FABP6: variants seen among roughly 807,000 people sequenced by gnomAD.
FABP6 encodes fatty acid binding protein 6.
Under a neutral mutation model 14.9 loss-of-function variants are expected in FABP6, and 13 were observed. The ratio of observed to expected loss-of-function variants is 0.87; its 90% CI spans 0.57 to 1.39. The LOEUF (loss-of-function observed/expected upper bound fraction) is 1.39, where lower values mean the gene tolerates loss of function less well. Among genes scored for constraint, FABP6 ranks in the 40% most tolerant of loss-of-function variants. FABP6 has a pLI of 0.00. For missense variants in FABP6, 161 were observed against 167.2 expected (o/e 0.96, Z 0.20); for synonymous variants, 75 against 63.6 (o/e 1.18, Z -0.85).
chr5:160,205,965 T>G (rs909345236), intron 2 of FABP6, among the ~76,000 whole-genome samples: 1 of 151,828 alleles, frequency 6.6e-6, no homozygotes, highest in Non-Finnish European at 1.5e-5. Flanking sequence ...TTCTTTTTTC[T>G]TTTCTTTTCT....
upstream of FABP6, among the ~76,000 whole-genome samples, chr5:160,226,078 G>A (rs7712823): frequency 5.0e-3 from 768 of 152,140 alleles, 6 homozygotes; most frequent in African/African-American, 0.017. Context: ...GGAGGCTGAG[G>A]CAGGAGAATG....
At position 160,238,607 on chromosome 5, in the gene FABP6, T is replaced by C; in HGVS notation, c.335T>C (p.Val112Ala). The C allele has an allele frequency of 6.2e-7, 1 of 1,613,790 alleles. No individual in the cohort carries two copies. The highest frequency in any genetic ancestry group is 2.2e-5 in the East Asian group (1 of 44,852). ...CTCTGTCCCGGCTGCTTCTTTCAGG[T>C]CTCCACCATCGGAGGCGTGACCTAT... The part of the protein sequence containing the change: ...SEIVGDKLVE[V>A]STIGGVTYER... The change falls in exon 4 of 4, where the codon GTC (valine) becomes GCC (alanine). Residue 112 changes from valine to alanine, a missense_variant and splice_region_variant. Val to Ala is a moderately conservative substitution (Grantham distance 64). Transcript: ENST00000402432.
intron 3 of FABP6, among the ~76,000 whole-genome samples, chr5:160,215,817 T>TG (rs1183079317): frequency 6.6e-6 from 1 of 151,942 alleles, no homozygotes; most frequent in African/African-American, 2.4e-5. Context: ...TTGTGAGGAA[T>TG]GGGGTGGGAT....
intron 2 of FABP6, among the ~76,000 whole-genome samples, chr5:160,199,474 C>G (rs575748642): frequency 1.3e-5 from 2 of 152,158 alleles, no homozygotes; most frequent in Admixed American, 6.5e-5. Flanking sequence ...GGCTCACCCC[C>G]TCCTGCGCCA....
intron 2 of FABP6, among the ~76,000 whole-genome samples, chr5:160,206,418 ACT>A (rs1759766927): frequency 1.3e-5 from 2 of 152,104 alleles, no homozygotes; most frequent in African/African-American, 2.4e-5. Flanking sequence ...ACAGAGCAAG[ACT>A]CTGTCTCAAA....
At chr5:160,196,156 T>C (rs1351513630) in intron 1 of FABP6, among the ~76,000 whole-genome samples, 1 of 152,208 alleles carries the variant, frequency 6.6e-6, no homozygotes, top group African/African-American at 2.4e-5. Context: ...AGCACCAAGA[T>C]GCCAGGTGGC....
upstream of FABP6, among the ~76,000 whole-genome samples, chr5:160,226,802 CATT>C (rs1034392800): frequency 3.3e-5 from 5 of 152,114 alleles, no homozygotes; most frequent in East Asian, 1.9e-4. Flanking sequence ...GTTGTATCAT[CATT>C]ATTATTATCA....
At chr5:160,192,874 G>T (rs988471544) in intron 1 of FABP6, among the ~76,000 whole-genome samples, 2 of 152,258 alleles carry the variant, frequency 1.3e-5, no homozygotes, top group Non-Finnish European at 2.9e-5. Context: ...CACTTTGGGA[G>T]GCTGAGGTGG....
At chr5:160,202,840 C>A (rs1414076648) in intron 2 of FABP6, among the ~76,000 whole-genome samples, 2 of 151,636 alleles carry the variant, frequency 1.3e-5, no homozygotes, top group Non-Finnish European at 2.9e-5. Context: ...CTTAGCGATT[C>A]ATGAATTGGG....
chr5:160,225,678 G>A (rs1462473851), upstream of FABP6, among the ~76,000 whole-genome samples: 2 of 152,132 alleles, frequency 1.3e-5, no homozygotes, highest in Admixed American at 6.6e-5. Context: ...GGGATTACAG[G>A]TATGAGCCAC....
At chr5:160,190,641 A>T (rs1430852617) in intron 1 of FABP6, among the ~76,000 whole-genome samples, 1 of 152,204 alleles carries the variant, frequency 6.6e-6, no homozygotes, top group Non-Finnish European at 1.5e-5. Flanking sequence ...GAATAGCTTC[A>T]GAGTAACCAG....
intron 1 of FABP6, among the ~76,000 whole-genome samples, chr5:160,193,613 AC>A (rs1759447106): frequency 6.6e-6 from 1 of 152,086 alleles, no homozygotes; most frequent in South Asian, 2.1e-4. Flanking sequence ...TTAGTTAGAT[AC>A]AGAGTATCCA....
intron 2 of FABP6, among the ~76,000 whole-genome samples, chr5:160,202,865 C>G (rs937039235): frequency 6.6e-6 from 1 of 151,630 alleles, no homozygotes; most frequent in Non-Finnish European, 1.5e-5. Flanking sequence ...ATCCCATATA[C>G]AAAACAGAAA....
intron 2 of FABP6, among the ~76,000 whole-genome samples, chr5:160,209,236 G>T (rs541429175): frequency 1.8e-3 from 278 of 152,184 alleles, no homozygotes; most frequent in Non-Finnish European, 3.2e-3. Context: ...ATAAATAAAG[G>T]TCTGGTGTGG....
chr5:160,188,030 A>C (rs1300211421), intron 1 of FABP6, among the ~76,000 whole-genome samples: 1 of 150,014 alleles, frequency 6.7e-6, no homozygotes, highest in Non-Finnish European at 1.5e-5. Context: ...GAGATTACAG[A>C]CGTGAGCCAC....
At chr5:160,189,556 CTTCTTT>C (rs1027852150) in intron 1 of FABP6, among the ~76,000 whole-genome samples, 1 of 152,000 alleles carries the variant, frequency 6.6e-6, no homozygotes, top group Non-Finnish European at 1.5e-5. Context: ...AAATTGTATT[CTTCTTT>C]TTATTTTTTT....
chr5:160,197,153 C>G (rs772397253), intron 1 of FABP6: 5 of 152,298 alleles, frequency 3.3e-5, no homozygotes, highest in Non-Finnish European at 7.3e-5. Context: ...GGGCCCTGCC[C>G]GGCTAGACAG....
chr5:160,237,375 A>T lies in FABP6; in HGVS notation c.334-1231A>T, dbSNP rs146368672. Among the ~76,000 whole-genome samples, 391 of 152,210 alleles carry T rather than the reference A, an allele frequency of 2.6e-3. 2 individuals are homozygous for T. Among genetic ancestry groups the T allele is most frequent in the African/African-American group, 8.6e-3 (358 of 41,516 alleles). Reference sequence around the variant, plus strand: ...ACATGACACAGCCAGGAACACACACATGTATGCACATAGACCCAGGCACGT... The same window carrying T: ...ACATGACACAGCCAGGAACACACACTTGTATGCACATAGACCCAGGCACGT... On this transcript the variant is annotated intron_variant, in intron 3 of 3. Coordinates refer to ENST00000402432, the MANE Select transcript of FABP6 (RefSeq NM_001445.3).
At chr5:160,188,491 C>A (rs749222751) in intron 1 of FABP6, among the ~76,000 whole-genome samples, 65 of 152,206 alleles carry the variant, frequency 4.3e-4, no homozygotes, top group Non-Finnish European at 4.3e-4. Flanking sequence ...GAAACAGGAA[C>A]TGCAGGGAGG....
Sources: allele counts gnomAD v4.1 joint callset (sites outside exome capture counted in the v4.1 genomes callset), GRCh38; gene constraint gnomAD v4.1.1; transcripts MANE v1.5; gene names NCBI Gene and HGNC (gene_info 2026-07-23, HGNC 2026-07-21).